Variants in BRD7 observed in about 807,000 individuals in gnomAD.
The protein encoded by BRD7 is bromodomain containing 7.
BRD7 carries 15 observed loss-of-function variants against 82.1 expected under a neutral mutation model. The observed-to-expected ratio is 0.18, with a 90% CI of 0.12 to 0.28. The LOEUF (loss-of-function observed/expected upper bound fraction) is 0.28, where lower values mean the gene tolerates loss of function less well. BRD7 is among the 10% of genes least tolerant of loss of function. The pLI is 1.00. For missense variants in BRD7, 638 were observed against 779.9 expected (o/e 0.82, Z 2.17); for synonymous variants, 232 against 266.9 (o/e 0.87, Z 1.27).
intron 13 of BRD7, among the ~76,000 whole-genome samples, chr16:50,321,018 TATA>T (rs2037076894): frequency 6.6e-6 from 1 of 152,266 alleles, no homozygotes; most frequent in African/African-American, 2.4e-5. Flanking sequence ...TGATGTATCT[TATA>T]CAATTTATAT....
At chr16:50,344,081 G>T (rs1393318495) in intron 5 of BRD7, among the ~76,000 whole-genome samples, 1 of 152,096 alleles carries the variant, frequency 6.6e-6, no homozygotes, top group Non-Finnish European at 1.5e-5. Flanking sequence ...AGGAAGGATC[G>T]GGCAGCAACA....
rs1235859372 is a variant in BRD7 at position 50,350,045 on chromosome 16, T to C, written c.569A>G (p.Tyr190Cys). ...TMKEKIKNND[Y>C]QSIEELKDNF... is the part of the protein sequence containing the mutation. ...TACCTTTAGTTCTTCTATGGACTGA[T>C]AGTCATTGTTCTTGATCTTTTCTTT... Residue 190 changes from tyrosine (Y) to cysteine (C), a missense_variant, in exon 5 of 17, where the codon TAT becomes TGT. By Grantham distance (194) the Tyr-to-Cys change is radical. Transcript: ENST00000394688. The C allele has an allele frequency of 1.9e-6, 3 of 1,600,186 alleles. No individual in the cohort carries two copies. Among genetic ancestry groups the C allele is most frequent in the African/African-American group, 1.3e-5 (1 of 74,256 alleles).
chr16:50,343,245 G>A (rs1266931982), intron 5 of BRD7, among the ~76,000 whole-genome samples: 1 of 152,236 alleles, frequency 6.6e-6, no homozygotes, highest in Non-Finnish European at 1.5e-5. Flanking sequence ...GACCTGGTGG[G>A]AGGTGATTTG....
chr16:50,359,523 A>G (rs1487417156), intron 2 of BRD7, among the ~76,000 whole-genome samples: 2 of 152,162 alleles, frequency 1.3e-5, no homozygotes, highest in East Asian at 1.9e-4. Flanking sequence ...ACACAGCCCT[A>G]CTCTTACGGA....
At chr16:50,365,417 T>C (rs1315713922) in intron 2 of BRD7, among the ~76,000 whole-genome samples, 1 of 152,150 alleles carries the variant, frequency 6.6e-6, no homozygotes, top group Non-Finnish European at 1.5e-5. Context: ...ACAAACTCTG[T>C]CTAGGTACAA....
Position 50,368,065 on chromosome 16 carries a change from G to C in BRD7, c.258+25C>G, listed in dbSNP as rs201782985. The C allele has an allele frequency of 6.5e-5, 104 of 1,610,164 alleles. No individual in the cohort carries two copies. The African/African-American group carries it at 1.1e-3, about 17-fold the overall frequency. ...TGGAAGAGGCAGTGCCGTCCGCAAA[G>C]CCAAAGCAATGTAACCACTTGTACC... On this transcript the variant is annotated intron_variant, in intron 2 of 16. Transcript: ENST00000394688.
chr16:50,351,927 A>G (rs1434134292), intron 4 of BRD7, among the ~76,000 whole-genome samples: 1 of 152,208 alleles, frequency 6.6e-6, no homozygotes, highest in Non-Finnish European at 1.5e-5. Context: ...TCTTTGGAAT[A>G]AGAACATTCA....
At chr16:50,355,038 A>C in intron 2 of BRD7, 116 bp from the exon 3 acceptor site, 3 of 1,279,904 alleles carry the variant, frequency 2.3e-6, no homozygotes, top group Non-Finnish European at 3.2e-6. Flanking sequence ...CTTAATAACA[A>C]GCTCAATGTA....
At chr16:50,349,927 A>T in intron 5 of BRD7, 96 bp downstream of exon 5, 1 of 1,180,376 alleles carries the variant, frequency 8.5e-7, no homozygotes, top group Non-Finnish European at 1.1e-6. Context: ...AAATAAACTC[A>T]ATTCTTTGCA....
intron 5 of BRD7, 33 bp downstream of exon 5, chr16:50,349,990 C>G (rs2038453781): frequency 6.8e-7 from 1 of 1,481,196 alleles, no homozygotes; most frequent in Non-Finnish European, 9.0e-7. Context: ...AGATTTCTAC[C>G]AAGATTTTGT....
chr16:50,329,644 T>C (rs2037476062), intron 8 of BRD7, among the ~76,000 whole-genome samples: 1 of 152,128 alleles, frequency 6.6e-6, no homozygotes, highest in South Asian at 2.1e-4. Flanking sequence ...TTTGGAGTGA[T>C]TGTCGGCTGA....
At chr16:50,338,354 A>G (rs1215423740) in intron 6 of BRD7, among the ~76,000 whole-genome samples, 1 of 152,222 alleles carries the variant, frequency 6.6e-6, no homozygotes, top group East Asian at 1.9e-4. Flanking sequence ...GCGCAAGAAT[A>G]ATCAACAATC....
At chr16:50,362,391 T>C (rs746236071) in intron 2 of BRD7, among the ~76,000 whole-genome samples, 1 of 152,246 alleles carries the variant, frequency 6.6e-6, no homozygotes, top group Non-Finnish European at 1.5e-5. Context: ...TCCCTGAGCC[T>C]CAATTTTCTC....
At chr16:50,338,643 C>T (rs914610868) in intron 6 of BRD7, among the ~76,000 whole-genome samples, 2 of 152,206 alleles carry the variant, frequency 1.3e-5, no homozygotes, top group African/African-American at 2.4e-5. Flanking sequence ...AAATCCCTGT[C>T]CTATCTTGTG....
intron 2 of BRD7, among the ~76,000 whole-genome samples, chr16:50,357,203 G>A (rs540469691): frequency 2.0e-5 from 3 of 152,162 alleles, no homozygotes; most frequent in Non-Finnish European, 4.4e-5. Context: ...CAGAGAATTT[G>A]TACTTTCTAA....
chr16:50,336,130 AAT>A (rs2037788395), intron 6 of BRD7, among the ~76,000 whole-genome samples: 3 of 152,198 alleles, frequency 2.0e-5, no homozygotes, highest in Admixed American at 6.5e-5. Flanking sequence ...TCTCCATATC[AAT>A]AGATATTTAA....
chr16:50,326,374 C>T lies in BRD7; in HGVS notation c.1105G>A (p.Val369Met), dbSNP rs775591046. Residue 369 changes from valine to methionine, a missense_variant, in exon 10 of 17, where the codon GTG (valine) becomes ATG (methionine). By Grantham distance (21) the Val-to-Met change is conservative. This residue lies in a region of BRD7 where 402 missense variants were observed against 500.8 expected (regional missense o/e 0.80). Transcript: ENST00000394688. ...PIVGEPGYCPVRLGMTTGRLQ... is the reference protein window; with the variant it reads ...PIVGEPGYCPMRLGMTTGRLQ... ...CTTCCAGTTGTCATTCCCAGTCTCA[C>T]AGGGCAGTAGCCTGGCTCTACAACA... The T allele has an allele frequency of 1.3e-5, 21 of 1,590,620 alleles. No homozygotes were observed. The highest frequency in any genetic ancestry group is 8.9e-5 in the South Asian group (8 of 89,538).
rs1315578696 is a variant in BRD7 at position 50,317,448 on chromosome 16, A to G, written c.*1763T>C. 2 of 151,260 alleles carry G rather than the reference A, an allele frequency of 1.3e-5. No homozygotes were observed. The highest frequency in any genetic ancestry group is 5.0e-5 in the African/African-American group (2 of 40,388). The allele number at this position is 151,260 out of a possible 1,614,324, so 9.4% of individuals were successfully genotyped here. A position where few individuals can be genotyped will look rare whatever the true frequency, so the allele number is the denominator to read the frequency against. On this transcript the variant is annotated 3_prime_UTR_variant, in exon 17 of 17. Transcript: ENST00000394688. ...TGTTGCTAATATAACATAGAAACACATTAGTGCACTGGGCCTCTCTGAGGT... is the reference window on the plus strand; with the variant it reads ...TGTTGCTAATATAACATAGAAACACGTTAGTGCACTGGGCCTCTCTGAGGT...
At chr16:50,367,375 C>T (rs1347383348) in intron 2 of BRD7, among the ~76,000 whole-genome samples, 2 of 152,178 alleles carry the variant, frequency 1.3e-5, no homozygotes, top group Non-Finnish European at 2.9e-5. Flanking sequence ...TGCACACCAC[C>T]AGGCTCTGGA....
Sources: gnomAD v4.1 joint callset for allele counts (sites outside exome capture counted in the v4.1 genomes callset) on GRCh38, gnomAD v4.1.1 for gene constraint, gnomAD v4.1.1 regional missense constraint, MANE v1.5 for transcripts, NCBI Gene and HGNC (gene_info 2026-07-23, HGNC 2026-07-21) for gene names.